CA13: variants seen among roughly 807,000 people sequenced by gnomAD.
CA13 encodes the protein carbonic anhydrase 13.
Under a neutral mutation model 31.5 loss-of-function variants are expected in CA13, and 21 were observed. The observed-to-expected ratio is 0.67, with a 90% CI of 0.47 to 0.96. The LOEUF is 0.96. Ranked by LOEUF, CA13 falls within the 40% of genes least tolerant of loss-of-function variation. The pLI is 0.00. For synonymous variants in CA13, 117 were observed against 111.4 expected (o/e 1.05, Z -0.32); for missense variants, 315 against 318.9 (o/e 0.99, Z 0.09).
In CA13 at chr8:85,282,074, A is replaced by G. The variant is rs1448071627; in HGVS notation, c.*725A>G. The G allele has an allele frequency of 6.6e-6, 1 of 152,196 alleles. No homozygotes were observed. The highest frequency in any genetic ancestry group is 1.5e-5 in the Non-Finnish European group (1 of 68,038). 9.4% of individuals were successfully genotyped at this position (152,196 alleles called of 1,614,324 possible). A position where few individuals can be genotyped will look rare whatever the true frequency, so the allele number is the denominator to read the frequency against. On this transcript the variant is annotated 3_prime_UTR_variant, in exon 7 of 7. Transcript: ENST00000321764. ...GGATTGTGATGCTTTTTTTGTAACAAGTGATTCTGCTTAATATTTTGTTAT... is the reference window on the plus strand; with the variant it reads ...GGATTGTGATGCTTTTTTTGTAACAGGTGATTCTGCTTAATATTTTGTTAT...
At chr8:85,276,241 CTTAGCTGCCTTCCTCCCCCCG>C (rs1807604684) in intron 6 of CA13, among the ~76,000 whole-genome samples, 1 of 152,182 alleles carries the variant, frequency 6.6e-6, no homozygotes, top group Admixed American at 6.5e-5. Context: ...CTCGCCCGGC[CTTAGCTGCCTTCCTCCCCCCG>C]GGGCAGGGCT....
rs185400815 is a variant in CA13, at chr8:85,253,086, C to T, written c.235+2149C>T. Among the ~76,000 whole-genome samples the T allele has an allele frequency of 2.0e-3, 304 of 152,090 alleles. 2 individuals carry two copies. The highest frequency in any genetic ancestry group is 7.5e-3 in the South Asian group (36 of 4,832). ...TCCGCCTCCCAAGTAGCTGGGATTACAGGCATGTGCCACCATGCCTGGCTA... is the reference window on the plus strand; with the variant it reads ...TCCGCCTCCCAAGTAGCTGGGATTATAGGCATGTGCCACCATGCCTGGCTA... On this transcript the variant is annotated intron_variant, in intron 2 of 6. Coordinates refer to ENST00000321764, the MANE Select transcript of CA13 (RefSeq NM_198584.3).
intron 3 of CA13, among the ~76,000 whole-genome samples, chr8:85,266,358 G>C (rs534582117): frequency 5.9e-5 from 9 of 152,188 alleles, no homozygotes; most frequent in Non-Finnish European, 7.4e-5. Flanking sequence ...GTCCAGCTAG[G>C]ATGCTCAAGG....
chr8:85,259,524 G>C lies in CA13; in HGVS notation c.339G>C (p.Val113=), dbSNP rs764447783. Residue 113 remains valine (V), a synonymous_variant, in exon 3 of 7, where the codon GTG becomes GTC. Coordinates refer to ENST00000321764, the MANE Select transcript of CA13 (RefSeq NM_198584.3). ...GCTCCGAGCACATAGTAGATGGAGT[G>C]AGCTATGCTGCAGAGGTAAGCCATA... ...DHGSEHIVDG[V]SYAAELHVVH... is the part of the protein sequence containing the mutation. 1 of 1,613,472 alleles carries C rather than the reference G, an allele frequency of 6.2e-7. No homozygotes were observed. The highest frequency in any genetic ancestry group is 8.5e-7 in the Non-Finnish European group (1 of 1,179,546).
At chr8:85,256,850 C>T (rs1587536692) in intron 2 of CA13, among the ~76,000 whole-genome samples, 2 of 152,128 alleles carry the variant, frequency 1.3e-5, no homozygotes, top group East Asian at 3.8e-4. Flanking sequence ...TGTGTATATG[C>T]TCTGAGTAAA....
chr8:85,279,541 A>G (rs572187590), intron 6 of CA13, among the ~76,000 whole-genome samples: 10 of 152,350 alleles, frequency 6.6e-5, no homozygotes, highest in African/African-American at 9.6e-5. Flanking sequence ...GTCAGATCCA[A>G]TTCTAGACTG....
rs1223877737 is a variant in CA13, at chr8:85,268,542, A to G, written c.584A>G (p.Tyr195Cys). The change falls in exon 6 of 7, where the codon TAT becomes TGT. Residue 195 changes from tyrosine (Y) to cysteine (C), a missense_variant. Tyr to Cys is a radical substitution (Grantham distance 194). Transcript: ENST00000321764. ...CCACCATCCTGGGACTACTGGACAT[A>G]TCCTGGTTCTCTTACAGTTCCACCT... ...LLPPSWDYWT[Y>C]PGSLTVPPLL... 1 of 1,614,088 alleles carries G rather than the reference A, an allele frequency of 6.2e-7. No homozygotes were observed. Among genetic ancestry groups the G allele is most frequent in the South Asian group, 1.1e-5 (1 of 91,084 alleles).
At chr8:85,261,729 GTA>G (rs149281480) in intron 3 of CA13, among the ~76,000 whole-genome samples, 9 of 150,302 alleles carry the variant, frequency 6.0e-5, no homozygotes, top group East Asian at 3.9e-4. Context: ...CCCGGCCAGT[GTA>G]TATATATATA....
intron 3 of CA13, among the ~76,000 whole-genome samples, chr8:85,262,221 T>C (rs1259135104): frequency 1.2e-5 from 1 of 84,086 alleles, no homozygotes; most frequent in Non-Finnish European, 2.6e-5. Flanking sequence ...TAAGAATTCA[T>C]TGAGAATCAA....
At chr8:85,261,140 A>G (rs1294830723) in intron 3 of CA13, among the ~76,000 whole-genome samples, 1 of 152,156 alleles carries the variant, frequency 6.6e-6, no homozygotes, top group Non-Finnish European at 1.5e-5. Flanking sequence ...TTTAAAGCAA[A>G]CCAGTGAAGG....
intron 6 of CA13, among the ~76,000 whole-genome samples, chr8:85,280,858 G>A (rs1187524123): frequency 6.6e-6 from 1 of 152,180 alleles, no homozygotes; most frequent in Non-Finnish European, 1.5e-5. Context: ...TTTCAAAACA[G>A]CATATATAGT....
chr8:85,266,825 T>C, intron 4 of CA13, 122 bp downstream of exon 4: 1 of 654,146 alleles, frequency 1.5e-6, no homozygotes, highest in Non-Finnish European at 2.6e-6. Context: ...GCAGTTTCCT[T>C]TTGAAATGAA....
At chr8:85,250,087 T>C (rs1465119918) in intron 1 of CA13, among the ~76,000 whole-genome samples, 1 of 152,154 alleles carries the variant, frequency 6.6e-6, no homozygotes, top group South Asian at 2.1e-4. Flanking sequence ...GAGAAATAAA[T>C]TACAATCTGA....
intron 2 of CA13, among the ~76,000 whole-genome samples, chr8:85,252,094 C>CA (rs894524909): frequency 1.3e-5 from 2 of 151,896 alleles, no homozygotes; most frequent in African/African-American, 2.4e-5. Context: ...CTTATCTCTA[C>CA]AAAAAATAAA....
intron 6 of CA13, among the ~76,000 whole-genome samples, chr8:85,277,800 A>G (rs1003089029): frequency 1.3e-5 from 2 of 152,168 alleles, no homozygotes; most frequent in Non-Finnish European, 2.9e-5. Flanking sequence ...GAAGTGTCCC[A>G]GTCTGACGTG....
chr8:85,274,941 A>C (rs964438574), intron 6 of CA13, among the ~76,000 whole-genome samples: 1 of 152,196 alleles, frequency 6.6e-6, no homozygotes, highest in East Asian at 1.9e-4. Context: ...CTTTGAAAGT[A>C]AAAAGAATCC....
chr8:85,268,622 C>T lies in CA13; in HGVS notation c.664C>T (p.Gln222Ter), dbSNP rs1273471245. 2 of 1,609,434 alleles carry T rather than the reference C, an allele frequency of 1.2e-6. No homozygotes were observed. Among genetic ancestry groups the T allele is most frequent in the South Asian group, 1.1e-5 (1 of 90,892 alleles). ...VLKQPINISS[Q>*]QLAKFRSLLC... ...AAAGCAACCTATAAACATCAGCTCT[C>T]AACAGGTACATAATCTCTTCCAGGT... The change falls in exon 6 of 7, where the codon CAA becomes TAA. Residue 222 changes from glutamine (Q) to a stop codon, truncating the protein, a stop_gained. Coordinates refer to ENST00000321764, the MANE Select transcript of CA13 (RefSeq NM_198584.3). LOFTEE classifies it high-confidence loss of function.
chr8:85,260,830 C>G (rs1329571990), intron 3 of CA13, among the ~76,000 whole-genome samples: 1 of 152,188 alleles, frequency 6.6e-6, no homozygotes, highest in Non-Finnish European at 1.5e-5. Flanking sequence ...AAAGCGCCCT[C>G]GGAACTAATT....
intron 2 of CA13, among the ~76,000 whole-genome samples, chr8:85,256,940 G>T (rs201692963): frequency 1.3e-5 from 2 of 151,954 alleles, no homozygotes; most frequent in Non-Finnish European, 2.9e-5. Flanking sequence ...TGTGTCCTTT[G>T]GTTTCTCTCT....
Sources: gnomAD v4.1 joint callset for allele counts (sites outside exome capture counted in the v4.1 genomes callset) on GRCh38, gnomAD v4.1.1 for gene constraint, MANE v1.5 for transcripts, NCBI Gene and HGNC (gene_info 2026-07-23, HGNC 2026-07-21) for gene names.